SEC24A: variants seen among roughly 807,000 people sequenced by gnomAD.
SEC24A encodes the protein SEC24 homolog A, COPII component.
Under a neutral mutation model 129.4 loss-of-function variants are expected in SEC24A, and 93 were observed. The observed-to-expected ratio is 0.72, with a 90% CI of 0.61 to 0.85. The LOEUF is 0.85. Among genes scored for constraint, SEC24A ranks in the 40% least tolerant of loss-of-function variants. SEC24A has a pLI of 0.00. For missense variants in SEC24A, 1,264 were observed against 1,307.4 expected (o/e 0.97, Z 0.51); for synonymous variants, 460 against 467.3 (o/e 0.98, Z 0.20).
rs1751473993 is a variant in SEC24A at position 134,686,896 on chromosome 5, T to G, written c.1598T>G (p.Leu533Arg). Residue 533 changes from leucine (L) to arginine (R), a missense_variant, in exon 10 of 23, where the codon CTG becomes CGG. Coordinates refer to ENST00000398844, the MANE Select transcript of SEC24A (RefSeq NM_021982.3). Reference protein sequence around the residue: ...NSVCQSLLDNLDLLPGNTRTK... With the variant: ...NSVCQSLLDNRDLLPGNTRTK... ...GTTTGCCAGAGTTTGTTAGACAATCTGGATTTGTAAGTTTCTCAATTCAGC... is the reference window on the plus strand; with the variant it reads ...GTTTGCCAGAGTTTGTTAGACAATCGGGATTTGTAAGTTTCTCAATTCAGC... The G allele has an allele frequency of 6.3e-7, 1 of 1,578,320 alleles. No homozygotes were observed. Among genetic ancestry groups the G allele is most frequent in the East Asian group, 2.3e-5 (1 of 44,382 alleles).
At chr5:134,674,181 C>T (rs907098136) in intron 4 of SEC24A, among the ~76,000 whole-genome samples, 2 of 151,954 alleles carry the variant, frequency 1.3e-5, no homozygotes, top group African/African-American at 4.8e-5. Flanking sequence ...TTAGTCATTG[C>T]TATTTGTTAC....
At chr5:134,651,242 C>T (rs1750037728) in intron 1 of SEC24A, among the ~76,000 whole-genome samples, 1 of 149,078 alleles carries the variant, frequency 6.7e-6, no homozygotes, top group Non-Finnish European at 1.5e-5. Flanking sequence ...CAGGTGCATA[C>T]CACCAGGCCC....
chr5:134,718,832 T>G (rs1752551017), intron 20 of SEC24A, among the ~76,000 whole-genome samples: 2 of 151,522 alleles, frequency 1.3e-5, no homozygotes, highest in Non-Finnish European at 2.9e-5. Context: ...TAACCGAGCG[T>G]GGTGGGGCAT....
chr5:134,698,956 C>T (rs991439584), intron 15 of SEC24A, among the ~76,000 whole-genome samples: 2 of 150,612 alleles, frequency 1.3e-5, no homozygotes, highest in African/African-American at 2.4e-5. Flanking sequence ...GACAGAGTCT[C>T]ATTCTGTCGC....
At chr5:134,663,569 G>T (rs535600578) in intron 2 of SEC24A, among the ~76,000 whole-genome samples, 2 of 152,296 alleles carry the variant, frequency 1.3e-5, no homozygotes, top group African/African-American at 4.8e-5. Flanking sequence ...TATAATCCTA[G>T]CACTTTGGGA....
intron 21 of SEC24A, among the ~76,000 whole-genome samples, chr5:134,722,878 G>A (rs138932300): frequency 1.3e-5 from 2 of 152,246 alleles, no homozygotes; most frequent in East Asian, 3.9e-4. Flanking sequence ...TCAAGACCAG[G>A]CATGGTGGCT....
chr5:134,702,674 T>C (rs188945027), intron 15 of SEC24A, among the ~76,000 whole-genome samples: 26 of 152,346 alleles, frequency 1.7e-4, no homozygotes, highest in African/African-American at 6.3e-4. Context: ...TTAGATCATA[T>C]AAATCCATCA....
chr5:134,672,766 G>A (rs1750912108), intron 4 of SEC24A, among the ~76,000 whole-genome samples: 1 of 151,168 alleles, frequency 6.6e-6, no homozygotes, highest in Admixed American at 6.6e-5. Flanking sequence ...TTGAGACAGG[G>A]TCTCTGTCAC....
intron 7 of SEC24A, among the ~76,000 whole-genome samples, chr5:134,676,735 C>G (rs1751080428): frequency 6.6e-6 from 1 of 152,084 alleles, no homozygotes; most frequent in Admixed American, 6.6e-5. Flanking sequence ...TACACCCGGC[C>G]TCTTTAGTGA....
rs894471528 is a variant in SEC24A at position 134,725,922 on chromosome 5, A to G, written c.*828A>G. On this transcript the variant is annotated 3_prime_UTR_variant, in exon 23 of 23. Coordinates refer to ENST00000398844, the MANE Select transcript of SEC24A (RefSeq NM_021982.3). Reference sequence around the variant, plus strand: ...CCTTTAAGTGGATTTTATTTGGTGCATTTCTGCTCTGGGTATATAATAAAA... The same window carrying G: ...CCTTTAAGTGGATTTTATTTGGTGCGTTTCTGCTCTGGGTATATAATAAAA... 1.3e-5 allele frequency: 2 copies of G among 152,176 alleles called. No individual in the cohort carries two copies. Among genetic ancestry groups the G allele is most frequent in the African/African-American group, 4.8e-5 (2 of 41,440 alleles). The allele number at this position is 152,176 out of a possible 1,614,324, so 9.4% of individuals were successfully genotyped here. A position where few individuals can be genotyped will look rare whatever the true frequency, so the allele number is the denominator to read the frequency against.
rs1357572029 is a variant in SEC24A at position 134,726,943 on chromosome 5, T to C, written c.*1849T>C. 1 of 152,274 alleles carries C rather than the reference T, an allele frequency of 6.6e-6. No individual in the cohort carries two copies. The highest frequency in any genetic ancestry group is 1.5e-5 in the Non-Finnish European group (1 of 67,980). 9.4% of individuals were successfully genotyped at this position (152,274 alleles called of 1,614,324 possible). A position where few individuals can be genotyped will look rare whatever the true frequency, so the allele number is the denominator to read the frequency against. Reference sequence around the variant, plus strand: ...GTTATTACCACATGCTTTTTTAGTATATTTCACAAATTTACTTTTAAATAT... The same window carrying C: ...GTTATTACCACATGCTTTTTTAGTACATTTCACAAATTTACTTTTAAATAT... On this transcript the variant is annotated 3_prime_UTR_variant, in exon 23 of 23. Transcript: ENST00000398844.
chr5:134,703,041 A>G (rs925068879), intron 15 of SEC24A, among the ~76,000 whole-genome samples: 1 of 152,120 alleles, frequency 6.6e-6, no homozygotes, highest in Non-Finnish European at 1.5e-5. Flanking sequence ...TTGGGATTAC[A>G]GGCATGAGCC....
intron 13 of SEC24A, among the ~76,000 whole-genome samples, chr5:134,696,775 G>A (rs1283756696): frequency 6.6e-6 from 1 of 151,642 alleles, no homozygotes; most frequent in African/African-American, 2.4e-5. Flanking sequence ...TGGGATTACA[G>A]GCGTGAGCCA....
intron 18 of SEC24A, among the ~76,000 whole-genome samples, chr5:134,712,353 T>C (rs2150109817): frequency 6.6e-6 from 1 of 151,690 alleles, no homozygotes; most frequent in East Asian, 2.0e-4. Flanking sequence ...CGGGTTCAAG[T>C]GATTCTCCTG....
intron 4 of SEC24A, 43 bp downstream of exon 4, chr5:134,671,929 A>G: frequency 8.5e-7 from 1 of 1,175,102 alleles, no homozygotes; most frequent in South Asian, 1.3e-5. Flanking sequence ...CTTTTTTCTG[A>G]TTATAGAAAT....
chr5:134,662,891 G>A lies in SEC24A; in HGVS notation c.565+1305G>A, dbSNP rs1012139091. On this transcript the variant is annotated intron_variant, in intron 2 of 22. Transcript: ENST00000398844. ...AATGAATGTGTGGTCCCAGCTACTC[G>A]GGGGGCTGAGGTGGGAGAATTGCTT... 7.9e-5 allele frequency among the ~76,000 whole-genome samples: 12 copies of A among 152,152 alleles called. No individual in the cohort carries two copies. The East Asian group carries it at 1.7e-3, about 22-fold the overall frequency.
intron 19 of SEC24A, among the ~76,000 whole-genome samples, chr5:134,716,460 CTT>C (rs1708817370): frequency 8.3e-6 from 1 of 120,626 alleles, no homozygotes; most frequent in African/African-American, 3.2e-5. Context: ...CAAAGTGAGA[CTT>C]TGTCTAAAAA....
At chr5:134,698,779 C>T (rs1374079143) in intron 15 of SEC24A, among the ~76,000 whole-genome samples, 6 of 151,696 alleles carry the variant, frequency 4.0e-5, no homozygotes, top group South Asian at 4.2e-4. Flanking sequence ...ATTATAGGTG[C>T]GTGCCACCAT....
At position 134,679,717 on chromosome 5, in the gene SEC24A, G is replaced by C; in HGVS notation, c.1370G>C (p.Arg457Pro). Residue 457 changes from arginine (R) to proline (P), a missense_variant, in exon 8 of 23, where the codon CGA (arginine) becomes CCA (proline). Arg to Pro is a moderately radical substitution (Grantham distance 103). Transcript: ENST00000398844. Reference sequence around the variant, plus strand: ...AGATGGAAGTGTAACTTATGTTATCGAGTCAATGATGGTATGGGATGCTTT... The same window carrying C: ...AGATGGAAGTGTAACTTATGTTATCCAGTCAATGATGGTATGGGATGCTTT... Reference protein sequence around the residue: ...QRRWKCNLCYRVNDVPEEFLY... With the variant: ...QRRWKCNLCYPVNDVPEEFLY... The C allele has an allele frequency of 1.9e-6, 3 of 1,588,366 alleles. No homozygotes were observed. Among genetic ancestry groups the C allele is most frequent in the South Asian group, 1.1e-5 (1 of 87,556 alleles).
Sources: allele counts gnomAD v4.1 joint callset (sites outside exome capture counted in the v4.1 genomes callset), GRCh38; gene constraint gnomAD v4.1.1; transcripts MANE v1.5; gene names NCBI Gene and HGNC (gene_info 2026-07-23, HGNC 2026-07-21).